ARHGEF16: variants seen among roughly 807,000 people sequenced by gnomAD.
The protein encoded by ARHGEF16 is Rho guanine exchange factor (GEF) 16.
A neutral mutation model predicts 74.1 loss-of-function variants in ARHGEF16; 59 were observed. That is an observed-to-expected ratio of 0.80 (90% confidence interval 0.65 to 0.99). The LOEUF (loss-of-function observed/expected upper bound fraction) is 0.99, where lower values mean the gene tolerates loss of function less well. Ranked by LOEUF, ARHGEF16 falls within the 50% of genes least tolerant of loss-of-function variation. The probability of loss-of-function intolerance (pLI) is 0.00; values close to 1 mark genes in which losing one functional copy is unlikely to be tolerated. For missense variants in ARHGEF16, 948 were observed against 986.6 expected (o/e 0.96, Z 0.52); for synonymous variants, 415 against 412.6 (o/e 1.01, Z -0.07).
At position 3,469,416 on chromosome 1, in the gene ARHGEF16, T is replaced by G. The variant is rs368090169; in HGVS notation, c.862-17T>G. ...GTCCAGCGTCACTGTGGGGCTCACC[T>G]AGGCCCCTCTCCACAGGCCATGTTC... On this transcript the variant is annotated splice_polypyrimidine_tract_variant and intron_variant, in intron 5 of 14. Transcript: ENST00000378378. 39 of 1,612,562 alleles carry G rather than the reference T, an allele frequency of 2.4e-5. No homozygotes were observed. In the African/African-American group the frequency reaches 5.1e-4, roughly 21 times the overall value.
chr1:3,476,171 C>G, intron 10 of ARHGEF16, 109 bp downstream of exon 10: 1 of 1,206,258 alleles, frequency 8.3e-7, no homozygotes, highest in Non-Finnish European at 1.2e-6. Context: ...AGAGTGGGTG[C>G]CTGCCCTCAT....
At chr1:3,477,824 T>G (rs1170103185) in intron 10 of ARHGEF16, 51 bp from the exon 11 acceptor site, 1 of 1,586,312 alleles carries the variant, frequency 6.3e-7, no homozygotes, top group African/African-American at 1.3e-5. Context: ...CCCGGCTCTG[T>G]CCCCCCCAGT....
chr1:3,459,204 C>G (rs1639335850), intron 1 of ARHGEF16, among the ~76,000 whole-genome samples: 1 of 152,138 alleles, frequency 6.6e-6, no homozygotes, highest in African/African-American at 2.4e-5. Context: ...AACACGGACC[C>G]TACCGAGGCA....
intron 1 of ARHGEF16, among the ~76,000 whole-genome samples, chr1:3,461,800 G>C (rs1473070006): frequency 1.3e-5 from 2 of 152,238 alleles, no homozygotes; most frequent in East Asian, 3.9e-4. Context: ...GGCCATTGAG[G>C]CTCTGCCTGG....
chr1:3,477,915 G>GC lies in ARHGEF16; in HGVS notation c.1515dup (p.Gly506ArgfsTer61). On this transcript the variant is annotated frameshift_variant, in exon 11 of 15. Transcript: ENST00000378378. LOFTEE classifies it high-confidence loss of function. The stretch of plus-strand genomic sequence containing the variant: ...TCTGCCTCCCGGTGGCTGCTGAAGC[G>GC]CGGAGAGCTGTTCTTAGTGGAAGAA... The GC allele has an allele frequency of 6.2e-7, 1 of 1,612,616 alleles. No homozygotes were observed. The highest frequency in any genetic ancestry group is 8.5e-7 in the Non-Finnish European group (1 of 1,179,878).
At chr1:3,474,617 T>C in intron 8 of ARHGEF16, 91 bp from the exon 9 acceptor site, 1 of 1,285,180 alleles carries the variant, frequency 7.8e-7, no homozygotes, top group African/African-American at 1.5e-5. Context: ...TTGACCACCC[T>C]GCAGCCCCAC....
intron 3 of ARHGEF16, among the ~76,000 whole-genome samples, chr1:3,466,428 G>C (rs1446473688): frequency 6.6e-6 from 1 of 152,156 alleles, no homozygotes; most frequent in East Asian, 1.9e-4. Flanking sequence ...TGAAGGGCAG[G>C]GTACAGACAG....
intron 1 of ARHGEF16, among the ~76,000 whole-genome samples, chr1:3,455,820 G>A (rs1352957909): frequency 1.3e-5 from 2 of 152,110 alleles, no homozygotes; most frequent in African/African-American, 4.8e-5. Context: ...CAGCTCTTGG[G>A]GCCTCGGTTT....
intron 10 of ARHGEF16, among the ~76,000 whole-genome samples, chr1:3,477,149 A>G (rs962848832): frequency 8.6e-5 from 13 of 151,338 alleles, no homozygotes; most frequent in African/African-American, 1.5e-4. Context: ...CTGAGTCTGT[A>G]GTGGGCACAG....
chr1:3,466,420 A>T (rs1167875764), intron 3 of ARHGEF16, among the ~76,000 whole-genome samples: 1 of 152,044 alleles, frequency 6.6e-6, no homozygotes, highest in Non-Finnish European at 1.5e-5. Context: ...GTGTGTTCTG[A>T]AGGGCAGGGT....
At chr1:3,469,392 T>G in intron 5 of ARHGEF16, 41 bp from the exon 6 acceptor site, 1 of 1,607,670 alleles carries the variant, frequency 6.2e-7, no homozygotes, top group South Asian at 1.1e-5. Context: ...CACGCCCGTG[T>G]CCAGCGTCAC....
rs2245539 is a variant in ARHGEF16, at chr1:3,472,979, T to G, written c.1023-99T>G. 2.4e-6 allele frequency: 3 copies of G among 1,254,084 alleles called. No homozygotes were observed. In the East Asian group the frequency reaches 9.7e-5, roughly 40 times the overall value. The allele number at this position is 1,254,084 out of a possible 1,614,324, so 77.7% of individuals were successfully genotyped here. ...CTGAGCTCAGCTCCTGCCACGTCCA[T>G]GTATGTGTGAGTGTGCATGCAGATG... On this transcript the variant is annotated intron_variant, in intron 6 of 14. Coordinates refer to ENST00000378378, the MANE Select transcript of ARHGEF16 (RefSeq NM_014448.4).
rs760221421 is a variant in ARHGEF16, at chr1:3,468,917, A to G, written c.842A>G (p.Glu281Gly). 3.9e-5 allele frequency: 60 copies of G among 1,550,112 alleles called. 1 individual carries two copies. In the East Asian group the frequency reaches 4.6e-4, roughly 12 times the overall value. ...ELGILDQLST[E>G]ERKRQEAMFE... ...GGCATCCTGGACCAGCTCTCCACTG[A>G]GGAGCGGAAAAGGCAGGAGGTAAAA... Residue 281 changes from glutamate (E) to glycine (G), a missense_variant, in exon 5 of 15, where the codon GAG (glutamate) becomes GGG (glycine). Physicochemically the swap from Glu to Gly is moderately conservative, Grantham distance 98. Transcript: ENST00000378378.
intron 8 of ARHGEF16, 58 bp downstream of exon 8, chr1:3,473,580 A>G (rs1466825338): frequency 6.3e-7 from 1 of 1,598,360 alleles, no homozygotes; most frequent in African/African-American, 1.3e-5. Flanking sequence ...CCACGGCCAG[A>G]GCCCTGCCCC....
At chr1:3,465,007 T>C (rs546740932) in intron 2 of ARHGEF16, among the ~76,000 whole-genome samples, 1 of 152,300 alleles carries the variant, frequency 6.6e-6, no homozygotes, top group South Asian at 2.1e-4. Flanking sequence ...CAGCTCTCTC[T>C]TGTGCCTACC....
intron 6 of ARHGEF16, among the ~76,000 whole-genome samples, chr1:3,471,950 G>A (rs998988804): frequency 2.0e-5 from 3 of 152,240 alleles, no homozygotes; most frequent in East Asian, 3.9e-4. Flanking sequence ...CCTCGTCCAC[G>A]GGGACTGCAG....
In ARHGEF16 at chr1:3,467,208, C is replaced by T. The variant is rs1382357018; in HGVS notation, c.675C>T (p.Asn225=). 1 of 1,550,658 alleles carries T rather than the reference C, an allele frequency of 6.4e-7. No individual in the cohort carries two copies. The highest frequency in any genetic ancestry group is 8.7e-7 in the Non-Finnish European group (1 of 1,146,878). The change falls in exon 4 of 15, where the codon AAC becomes AAT. Residue 225 remains asparagine, a synonymous_variant. Transcript: ENST00000378378. ...LYQEIQERGL[N]TSQESDDDIL... is the part of the protein sequence containing the mutation. The stretch of plus-strand genomic sequence containing the variant: ...AGGAGATCCAGGAGCGGGGCCTGAA[C>T]ACCAGCCAGGAGTCTGATGACGACA...
chr1:3,478,287 AC>A, intron 11 of ARHGEF16, 136 bp from the exon 12 acceptor site: 1 of 1,028,760 alleles, frequency 9.7e-7, no homozygotes, highest in South Asian at 1.6e-5. Flanking sequence ...GTTCTGTGGG[AC>A]GCGGGAACTC....
chr1:3,463,656 G>T lies in ARHGEF16; in HGVS notation c.572G>T (p.Ser191Ile), dbSNP rs1315558270. 10 of 1,412,350 alleles carry T rather than the reference G, an allele frequency of 7.1e-6. No individual in the cohort carries two copies. The highest frequency in any genetic ancestry group is 9.3e-6 in the Non-Finnish European group (10 of 1,077,066). The allele number at this position is 1,412,350 out of a possible 1,614,324, so 87.5% of individuals were successfully genotyped here. A position where few individuals can be genotyped will look rare whatever the true frequency, so the allele number is the denominator to read the frequency against. The change falls in exon 2 of 15, where the codon AGC becomes ATC. Residue 191 changes from serine to isoleucine, a missense_variant. Transcript: ENST00000378378. The stretch of plus-strand genomic sequence containing the variant: ...GAACCCAGCCAGCCTCATACTCGGA[G>T]CCCGGCCAAAAACAAGGTAGGGGCC... ...AEEPSQPHTRSPAKNKKTLGR... is the reference protein window; with the variant it reads ...AEEPSQPHTRIPAKNKKTLGR...
Sources: allele counts gnomAD v4.1 joint callset (sites outside exome capture counted in the v4.1 genomes callset), GRCh38; gene constraint gnomAD v4.1.1; transcripts MANE v1.5; gene names NCBI Gene and HGNC (gene_info 2026-07-23, HGNC 2026-07-21).